RABGAP1L: variants seen among roughly 807,000 people sequenced by gnomAD.
The protein encoded by RABGAP1L is rab GTPase-activating protein 1-like.
RABGAP1L carries 63 observed loss-of-function variants against 137.7 expected under a neutral mutation model. The observed-to-expected ratio is 0.46, with a 90% CI of 0.37 to 0.56. The LOEUF (loss-of-function observed/expected upper bound fraction) is 0.56. Ranked by LOEUF, RABGAP1L falls within the 20% of genes least tolerant of loss-of-function variation. RABGAP1L has a pLI of 0.00. For synonymous variants in RABGAP1L, 431 were observed against 433.7 expected (o/e 0.99, Z 0.08); for missense variants, 1,095 against 1,244.0 (o/e 0.88, Z 1.80).
intron 13 of RABGAP1L, among the ~76,000 whole-genome samples, chr1:174,485,925 C>T (rs1365280083): frequency 6.6e-6 from 1 of 152,012 alleles, no homozygotes; most frequent in South Asian, 2.1e-4. Context: ...ATTATTTCTT[C>T]TTTAAATGTT....
chr1:174,249,370 G>T (rs891669628), intron 5 of RABGAP1L, among the ~76,000 whole-genome samples: 5 of 152,128 alleles, frequency 3.3e-5, no homozygotes, highest in Non-Finnish European at 7.4e-5. Context: ...GAAGTGAAGA[G>T]AGAACTTGGA....
intron 13 of RABGAP1L, among the ~76,000 whole-genome samples, chr1:174,494,439 T>A (rs1660563685): frequency 6.6e-6 from 1 of 152,204 alleles, no homozygotes; most frequent in Admixed American, 6.5e-5. Context: ...TGGAGATAAT[T>A]CCTACAAAGT....
chr1:174,297,640 G>A (rs777775662), intron 10 of RABGAP1L, among the ~76,000 whole-genome samples: 2 of 152,150 alleles, frequency 1.3e-5, no homozygotes, highest in Non-Finnish European at 2.9e-5. Context: ...AGGGGGTGCT[G>A]TTTTGGGGGA....
chr1:174,597,405 T>C (rs907439422), intron 13 of RABGAP1L, among the ~76,000 whole-genome samples: 1 of 152,196 alleles, frequency 6.6e-6, no homozygotes, highest in Non-Finnish European at 1.5e-5. Context: ...GTTAAGGGTC[T>C]ATTCGAGTTT....
chr1:174,460,720 C>G (rs1656591444), intron 13 of RABGAP1L, among the ~76,000 whole-genome samples: 2 of 152,076 alleles, frequency 1.3e-5, no homozygotes, highest in African/African-American at 4.8e-5. Flanking sequence ...AGCATCAATT[C>G]TACATTAATA....
chr1:174,358,643 G>C (rs1683859353), intron 11 of RABGAP1L, among the ~76,000 whole-genome samples: 1 of 152,078 alleles, frequency 6.6e-6, no homozygotes, highest in African/African-American at 2.4e-5. Flanking sequence ...TCAGCCACAG[G>C]GAGTCCATTT....
chr1:174,544,645 C>T (rs1317134785), intron 13 of RABGAP1L, among the ~76,000 whole-genome samples: 5 of 152,166 alleles, frequency 3.3e-5, no homozygotes, highest in African/African-American at 9.7e-5. Flanking sequence ...CTATTGCTGG[C>T]GAGGAGCTGC....
chr1:174,699,018 G>A lies in RABGAP1L; in HGVS notation c.1900-507G>A, dbSNP rs145962822. ...ATTTTATTTTATTTTTTTTTTAGAC[G>A]GGGTCTCGCTCTGTCACCCATGCTG... is the stretch of plus-strand genomic sequence containing the variant. On this transcript the variant is annotated intron_variant, in intron 15 of 25. Coordinates refer to ENST00000681986, the MANE Select transcript of RABGAP1L (RefSeq NM_001366446.1). 1.2e-3 allele frequency among the ~76,000 whole-genome samples: 177 copies of A among 149,892 alleles called. 2 individuals are homozygous for A. Among genetic ancestry groups the A allele is most frequent in the African/African-American group, 4.0e-3 (163 of 40,678 alleles).
rs540439380 is a variant in RABGAP1L at position 174,181,768 on chromosome 1, C to T, written c.-34+22111C>T. Among the ~76,000 whole-genome samples the T allele has an allele frequency of 5.9e-5, 9 of 152,192 alleles. No homozygotes were observed. In the South Asian group the frequency reaches 1.9e-3, roughly 32 times the overall value. On this transcript the variant is annotated intron_variant, in intron 1 of 25. Coordinates refer to ENST00000681986, the MANE Select transcript of RABGAP1L (RefSeq NM_001366446.1). ...TGAAGAGAGAGTATGTGTGTAAGGT[C>T]ACTATTCCTGAGCATATGCCAGTAA...
chr1:174,598,621 C>G (rs1271023192), intron 13 of RABGAP1L, among the ~76,000 whole-genome samples: 2 of 151,970 alleles, frequency 1.3e-5, no homozygotes, highest in Non-Finnish European at 2.9e-5. Context: ...ACTATTTATC[C>G]TTTTGTCGAA....
intron 1 of RABGAP1L, among the ~76,000 whole-genome samples, chr1:174,194,235 C>CTTT (rs59046200): frequency 1.5e-5 from 2 of 137,010 alleles, no homozygotes; most frequent in African/African-American, 2.7e-5. Flanking sequence ...TCAGTTAATT[C>CTTT]TTTTTTTTTT....
intron 1 of RABGAP1L, among the ~76,000 whole-genome samples, chr1:174,190,963 G>T (rs1030649028): frequency 6.6e-6 from 1 of 152,138 alleles, no homozygotes; most frequent in Non-Finnish European, 1.5e-5. Flanking sequence ...ATGGAAGAAC[G>T]GCTAGTTGGT....
At chr1:174,421,237 C>T (rs575571944) in intron 13 of RABGAP1L, among the ~76,000 whole-genome samples, 1 of 152,214 alleles carries the variant, frequency 6.6e-6, no homozygotes, top group East Asian at 1.9e-4. Flanking sequence ...GCTTATGTTA[C>T]AACTGGGATT....
intron 19 of RABGAP1L, chr1:174,850,234 G>A: frequency 3.6e-6 from 1 of 278,906 alleles, no homozygotes; most frequent in Admixed American, 4.6e-5. Flanking sequence ...GAAACCTCCG[G>A]GGTACCCTAG....
chr1:174,580,346 G>T (rs929844127), intron 13 of RABGAP1L, among the ~76,000 whole-genome samples: 3 of 152,146 alleles, frequency 2.0e-5, no homozygotes, highest in African/African-American at 4.8e-5. Context: ...GTTTATTGCG[G>T]CACTATTCAC....
At chr1:174,741,805 A>C (rs1270691116) in intron 17 of RABGAP1L, among the ~76,000 whole-genome samples, 1 of 131,418 alleles carries the variant, frequency 7.6e-6, no homozygotes, top group Admixed American at 8.1e-5. Context: ...TTTTTTTTTA[A>C]GTGGGGAGTT....
At chr1:174,266,506 G>A (rs1163878759) in intron 7 of RABGAP1L, among the ~76,000 whole-genome samples, 5 of 152,086 alleles carry the variant, frequency 3.3e-5, no homozygotes, top group Admixed American at 6.6e-5. Context: ...TTCTCTTACC[G>A]TGGTTCAGTT....
At chr1:174,955,927 A>C (rs1668450917) in intron 19 of RABGAP1L, among the ~76,000 whole-genome samples, 1 of 152,190 alleles carries the variant, frequency 6.6e-6, no homozygotes, top group Non-Finnish European at 1.5e-5. Flanking sequence ...ACAAAAGTTA[A>C]AATAAAATAA....
intron 7 of RABGAP1L, among the ~76,000 whole-genome samples, chr1:174,253,827 G>T (rs1265111762): frequency 6.6e-6 from 1 of 152,174 alleles, no homozygotes; most frequent in Non-Finnish European, 1.5e-5. Flanking sequence ...AAATACAGAT[G>T]CCTATTTGGC....
Sources: gnomAD v4.1 joint callset for allele counts (sites outside exome capture counted in the v4.1 genomes callset) on GRCh38, gnomAD v4.1.1 for gene constraint, MANE v1.5 for transcripts, NCBI Gene and HGNC (gene_info 2026-07-23, HGNC 2026-07-21) for gene names.